The following NKAIN3 variants were observed in gnomAD, a reference collection of about 807,000 sequenced individuals.
NKAIN3 encodes the protein sodium/potassium-transporting ATPase subunit beta-1-interacting protein 3.
In NKAIN3, 25 loss-of-function variants were observed where a neutral mutation model predicts 30.2. That is an observed-to-expected ratio of 0.83 (90% confidence interval 0.60 to 1.16). The LOEUF is 1.16. NKAIN3 is among the 50% of genes most tolerant of loss of function. NKAIN3 has a pLI of 0.00. For synonymous variants in NKAIN3, 91 were observed against 89.6 expected (o/e 1.02, Z -0.09); for missense variants, 225 against 254.1 (o/e 0.89, Z 0.78).
intron 1 of NKAIN3, among the ~76,000 whole-genome samples, chr8:62,517,243 A>T (rs991246432): frequency 6.6e-6 from 1 of 152,188 alleles, no homozygotes; most frequent in Non-Finnish European, 1.5e-5. Context: ...TTTTTAAAAT[A>T]AACTTGCCCT....
intron 1 of NKAIN3, among the ~76,000 whole-genome samples, chr8:62,537,227 A>T (rs1319790917): frequency 6.6e-6 from 1 of 152,140 alleles, no homozygotes; most frequent in Non-Finnish European, 1.5e-5. Flanking sequence ...CCTACTCTAG[A>T]ATTTCTGTAT....
Position 62,555,809 on chromosome 8 carries a change from A to G in NKAIN3, c.55-23730A>G, listed in dbSNP as rs75366865. On this transcript the variant is annotated intron_variant, in intron 1 of 6. Transcript: ENST00000623646. Reference sequence around the variant, plus strand: ...AGTCAATCTTCAAAACTTCAAGAACATAGAAATATTTTAAGACCTGATAGA... The same window carrying G: ...AGTCAATCTTCAAAACTTCAAGAACGTAGAAATATTTTAAGACCTGATAGA... Among the ~76,000 whole-genome samples the G allele has an allele frequency of 3.3e-5, 5 of 152,212 alleles. No homozygotes were observed. In the East Asian group the frequency reaches 7.7e-4, roughly 23 times the overall value.
intron 1 of NKAIN3, among the ~76,000 whole-genome samples, chr8:62,319,553 A>G (rs533750898): frequency 6.6e-6 from 1 of 152,296 alleles, no homozygotes; most frequent in African/African-American, 2.4e-5. Flanking sequence ...GTTGGTTTCA[A>G]AGAACATATT....
At chr8:62,707,660 T>C (rs1052847172) in intron 3 of NKAIN3, among the ~76,000 whole-genome samples, 1 of 152,170 alleles carries the variant, frequency 6.6e-6, no homozygotes, top group Non-Finnish European at 1.5e-5. Context: ...GAAGATTTTC[T>C]CCCACTCTTT....
At chr8:62,611,398 T>C (rs1811284585) in intron 3 of NKAIN3, among the ~76,000 whole-genome samples, 1 of 152,156 alleles carries the variant, frequency 6.6e-6, no homozygotes, top group Non-Finnish European at 1.5e-5. Flanking sequence ...GTCTTAGTCA[T>C]TCTTTTAAAC....
chr8:62,758,946 T>C (rs1816549309), intron 4 of NKAIN3, among the ~76,000 whole-genome samples: 1 of 152,164 alleles, frequency 6.6e-6, no homozygotes, highest in Non-Finnish European at 1.5e-5. Flanking sequence ...AACAATAAAC[T>C]TGGGATTCTT....
intron 1 of NKAIN3, among the ~76,000 whole-genome samples, chr8:62,388,887 G>A (rs561878215): frequency 1.1e-4 from 17 of 150,830 alleles, no homozygotes; most frequent in African/African-American, 4.1e-4. Flanking sequence ...GAACTCTGTG[G>A]TTAAATAAGC....
At chr8:62,911,021 T>C (rs1821910626) in intron 4 of NKAIN3, among the ~76,000 whole-genome samples, 1 of 152,152 alleles carries the variant, frequency 6.6e-6, no homozygotes, top group Non-Finnish European at 1.5e-5. Flanking sequence ...AAAATACGTA[T>C]TTCCTGTCAA....
At chr8:62,360,135 G>A (rs1484075912) in intron 1 of NKAIN3, among the ~76,000 whole-genome samples, 5 of 152,130 alleles carry the variant, frequency 3.3e-5, no homozygotes, top group East Asian at 3.9e-4. Context: ...CCAGGAAGGC[G>A]GGGAGGAGGC....
chr8:62,770,232 G>A (rs146727017), intron 4 of NKAIN3, among the ~76,000 whole-genome samples: 11 of 152,304 alleles, frequency 7.2e-5, no homozygotes, highest in African/African-American at 2.4e-4. Flanking sequence ...AAGATCTGGA[G>A]AGCACAGAAG....
chr8:62,858,439 A>G (rs75036432), intron 4 of NKAIN3, among the ~76,000 whole-genome samples: 48 of 152,306 alleles, frequency 3.2e-4, no homozygotes, highest in African/African-American at 1.1e-3. Flanking sequence ...CCCAAAGCCC[A>G]CAAGCTGGAC....
chr8:62,421,645 C>T (rs1563391542), intron 1 of NKAIN3, among the ~76,000 whole-genome samples: 1 of 150,820 alleles, frequency 6.6e-6, no homozygotes, highest in Non-Finnish European at 1.5e-5. Flanking sequence ...TCTCTGTATA[C>T]ATATATATAT....
At chr8:62,823,080 TC>T (rs1338652299) in intron 4 of NKAIN3, among the ~76,000 whole-genome samples, 5 of 152,262 alleles carry the variant, frequency 3.3e-5, no homozygotes, top group African/African-American at 1.2e-4. Context: ...TGGAAGTTGC[TC>T]TGGGTGAGTC....
intron 1 of NKAIN3, among the ~76,000 whole-genome samples, chr8:62,485,247 A>G (rs1215570581): frequency 2.6e-5 from 4 of 152,186 alleles, no homozygotes; most frequent in Admixed American, 1.3e-4. Context: ...GTGAGAATCC[A>G]TGGGTCAACT....
chr8:62,369,009 C>T (rs910835604), intron 1 of NKAIN3, among the ~76,000 whole-genome samples: 3 of 152,060 alleles, frequency 2.0e-5, no homozygotes, highest in East Asian at 3.9e-4. Context: ...ATAGGTGGCT[C>T]CTGGAATCAT....
chr8:62,685,446 A>T (rs1020973478), intron 3 of NKAIN3, among the ~76,000 whole-genome samples: 3 of 152,172 alleles, frequency 2.0e-5, no homozygotes, highest in Non-Finnish European at 4.4e-5. Flanking sequence ...ATAAGCTATA[A>T]TTTTTTACTT....
chr8:62,999,561 G>A (rs1350740961), exon 6 of NKAIN3: 1 of 152,182 alleles, frequency 6.6e-6, no homozygotes, highest in Non-Finnish European at 1.5e-5. Context: ...ATGGTTTGCA[G>A]ATATTTTCTT....
chr8:62,587,682 G>T (rs1162198845), intron 2 of NKAIN3, among the ~76,000 whole-genome samples: 2 of 151,838 alleles, frequency 1.3e-5, no homozygotes, highest in African/African-American at 4.8e-5. Context: ...CCTCTACCTC[G>T]GTTTCAGTGT....
chr8:62,448,317 T>C (rs1398104162), intron 1 of NKAIN3, among the ~76,000 whole-genome samples: 1 of 151,648 alleles, frequency 6.6e-6, no homozygotes, highest in Non-Finnish European at 1.5e-5. Context: ...TGCAGACAAA[T>C]AAGGGAGTAC....
Sources: gnomAD v4.1 joint callset for allele counts (sites outside exome capture counted in the v4.1 genomes callset) on GRCh38, gnomAD v4.1.1 for gene constraint, MANE v1.5 for transcripts, NCBI Gene and HGNC (gene_info 2026-07-23, HGNC 2026-07-21) for gene names.